Variants in PEAK1 observed in about 807,000 individuals in gnomAD.
PEAK1 encodes inactive tyrosine-protein kinase PEAK1.
Under a neutral mutation model 124.7 loss-of-function variants are expected in PEAK1, and 54 were observed. The observed-to-expected ratio is 0.43, with a 90% CI of 0.35 to 0.54. The LOEUF is 0.54. Among genes scored for constraint, PEAK1 ranks in the 20% least tolerant of loss-of-function variants. PEAK1 has a pLI of 0.01. For missense variants in PEAK1, 2,046 were observed against 2,134.5 expected (o/e 0.96, Z 0.82); for synonymous variants, 719 against 760.0 (o/e 0.95, Z 0.89).
At chr15:77,215,604 ACAAC>A (rs1409371230) in intron 6 of PEAK1, among the ~76,000 whole-genome samples, 3 of 152,250 alleles carry the variant, frequency 2.0e-5, no homozygotes, top group South Asian at 2.1e-4. Context: ...CAGTACAGAC[ACAAC>A]CAACCTTTTT....
intron 1 of PEAK1, among the ~76,000 whole-genome samples, chr15:77,408,415 T>A: frequency 6.6e-6 from 1 of 150,914 alleles, no homozygotes; most frequent in East Asian, 1.9e-4. Context: ...GGGTGAGGGG[T>A]ACACATGGGG....
rs542111219 is a variant in PEAK1, at chr15:77,296,772, G to A, written c.-602-10268C>T. On this transcript the variant is annotated intron_variant, in intron 2 of 9. Transcript: ENST00000682557. ...CTATGATCTAGGATTGTTCTTAGGAGGTCTCATGTTTAAAGAGGCCCATAT... is the reference window on the plus strand; with the variant it reads ...CTATGATCTAGGATTGTTCTTAGGAAGTCTCATGTTTAAAGAGGCCCATAT... 4.6e-5 allele frequency among the ~76,000 whole-genome samples: 7 copies of A among 151,680 alleles called. No homozygotes were observed. In the East Asian group the frequency reaches 1.4e-3, roughly 29 times the overall value.
intron 6 of PEAK1, among the ~76,000 whole-genome samples, chr15:77,215,504 A>C (rs1289622199): frequency 4.6e-5 from 7 of 152,306 alleles, no homozygotes; most frequent in Admixed American, 4.6e-4. Context: ...ACTTTAAATC[A>C]TCTCTAAATT....
chr15:77,374,931 A>C (rs1164017491), intron 1 of PEAK1, among the ~76,000 whole-genome samples: 4 of 152,312 alleles, frequency 2.6e-5, no homozygotes, highest in Middle Eastern at 3.4e-3. Flanking sequence ...GGACAAATTA[A>C]GAAAAACCAT....
At chr15:77,231,440 C>T in intron 6 of PEAK1, among the ~76,000 whole-genome samples, 1 of 152,122 alleles carries the variant, frequency 6.6e-6, no homozygotes, top group Non-Finnish European at 1.5e-5. Context: ...ATTGCAATAG[C>T]TTTGCAAGCA....
intron 9 of PEAK1, among the ~76,000 whole-genome samples, chr15:77,125,529 T>C (rs954974361): frequency 2.0e-5 from 3 of 152,110 alleles, no homozygotes; most frequent in African/African-American, 7.2e-5. Flanking sequence ...TATCACCACA[T>C]ACATATTAAC....
chr15:77,294,388 G>C (rs2063378856), intron 2 of PEAK1, among the ~76,000 whole-genome samples: 1 of 152,114 alleles, frequency 6.6e-6, no homozygotes. Context: ...ATAGCAGTTT[G>C]ACATCTACGA....
At chr15:77,293,820 T>C (rs1007019424) in intron 2 of PEAK1, among the ~76,000 whole-genome samples, 30 of 152,184 alleles carry the variant, frequency 2.0e-4, no homozygotes, top group Admixed American at 1.8e-3. Context: ...TGTCTACAAT[T>C]AATTGAAGCT....
At chr15:77,153,378 CTTCT>C (rs1392355539) in intron 8 of PEAK1, among the ~76,000 whole-genome samples, 4 of 152,018 alleles carry the variant, frequency 2.6e-5, no homozygotes, top group Admixed American at 2.6e-4. Flanking sequence ...AATCTTCTCT[CTTCT>C]TTATTAGTCT....
At chr15:77,249,261 C>T (rs980161449) in intron 6 of PEAK1, among the ~76,000 whole-genome samples, 1 of 146,924 alleles carries the variant, frequency 6.8e-6, no homozygotes, top group African/African-American at 2.7e-5. Flanking sequence ...AGATTGTAGA[C>T]AGAGACAGAT....
chr15:77,391,056 C>G (rs1053915497), intron 1 of PEAK1, among the ~76,000 whole-genome samples: 5 of 152,148 alleles, frequency 3.3e-5, no homozygotes, highest in African/African-American at 1.2e-4. Flanking sequence ...TGAATCCCAG[C>G]CCCACAGACT....
intron 8 of PEAK1, 150 bp downstream of exon 8, chr15:77,158,352 GT>G: frequency 1.4e-6 from 1 of 691,172 alleles, no homozygotes; most frequent in East Asian, 2.7e-5. Flanking sequence ...ACATCAGAAC[GT>G]TTTTCTGATG....
chr15:77,186,491 A>G (rs559371572), intron 6 of PEAK1, among the ~76,000 whole-genome samples: 45 of 152,340 alleles, frequency 3.0e-4, no homozygotes, highest in Non-Finnish European at 6.0e-4. Flanking sequence ...GTGCACTAGG[A>G]ACCCATGTTG....
intron 6 of PEAK1, among the ~76,000 whole-genome samples, chr15:77,203,028 C>T (rs947717182): frequency 6.7e-6 from 1 of 148,412 alleles, no homozygotes; most frequent in Non-Finnish European, 1.5e-5. Flanking sequence ...CAGAGCCAGA[C>T]CCTGTCTCAG....
chr15:77,175,024 G>A (rs1596469187), intron 7 of PEAK1, among the ~76,000 whole-genome samples: 1 of 151,228 alleles, frequency 6.6e-6, no homozygotes, highest in African/African-American at 2.4e-5. Flanking sequence ...TTTAATAAAT[G>A]GTGCTGGGAA....
At chr15:77,340,888 C>A (rs1360795266) in intron 2 of PEAK1, among the ~76,000 whole-genome samples, 1 of 152,050 alleles carries the variant, frequency 6.6e-6, no homozygotes, top group African/African-American at 2.4e-5. Context: ...CCATGACTCC[C>A]TCAAGTTCAG....
chr15:77,281,349 C>CA (rs1436684487), intron 5 of PEAK1, among the ~76,000 whole-genome samples: 1 of 151,976 alleles, frequency 6.6e-6, no homozygotes, highest in Non-Finnish European at 1.5e-5. Flanking sequence ...TCAATATAAT[C>CA]AAAAAAATTT....
rs529028051 is a variant in PEAK1 at position 77,161,829 on chromosome 15, G to T, written c.3138-3133C>A. Among the ~76,000 whole-genome samples, 3 of 152,088 alleles carry T rather than the reference G, an allele frequency of 2.0e-5. No individual in the cohort carries two copies. In the East Asian group the frequency reaches 5.8e-4, roughly 29 times the overall value. On this transcript the variant is annotated intron_variant, in intron 7 of 9. Transcript: ENST00000682557. ...AAAAATACAAAAATTAGCCGGGTGTGGTGGCAGGTGCCTATAATCCCAGCT... is the reference window on the plus strand; with the variant it reads ...AAAAATACAAAAATTAGCCGGGTGTTGTGGCAGGTGCCTATAATCCCAGCT...
At chr15:77,326,867 C>A (rs2153026441) in intron 2 of PEAK1, among the ~76,000 whole-genome samples, 1 of 152,118 alleles carries the variant, frequency 6.6e-6, no homozygotes, top group South Asian at 2.1e-4. Context: ...AGAAGAAAAC[C>A]TATCTCATGT....
Sources: allele counts gnomAD v4.1 joint callset (sites outside exome capture counted in the v4.1 genomes callset), GRCh38; gene constraint gnomAD v4.1.1; transcripts MANE v1.5; gene names NCBI Gene and HGNC (gene_info 2026-07-23, HGNC 2026-07-21).